The following MOCOS variants were observed in gnomAD, a reference collection of about 807,000 sequenced individuals.
MOCOS encodes the protein molybdenum cofactor sulfurase.
MOCOS carries 86 observed loss-of-function variants against 83.6 expected under a neutral mutation model. The ratio of observed to expected loss-of-function variants is 1.03; its 90% CI spans 0.86 to 1.23. MOCOS has a LOEUF of 1.23. MOCOS is among the 50% of genes most tolerant of loss of function. The pLI, the probability that MOCOS is intolerant of heterozygous loss-of-function variation, is 0.00. For missense variants in MOCOS, 1,120 were observed against 1,126.9 expected (o/e 0.99, Z 0.09); for synonymous variants, 445 against 434.7 (o/e 1.02, Z -0.29).
chr18:36,226,590 T>C (rs775936140), intron 9 of MOCOS, among the ~76,000 whole-genome samples: 5 of 152,136 alleles, frequency 3.3e-5, no homozygotes, highest in Non-Finnish European at 5.9e-5. Flanking sequence ...TGTTTTCTGT[T>C]AGTCTTATAG....
chr18:36,234,135 T>C (rs1180303904), intron 9 of MOCOS, among the ~76,000 whole-genome samples: 3 of 152,218 alleles, frequency 2.0e-5, no homozygotes, highest in Admixed American at 6.5e-5. Context: ...GTTTTTCCAA[T>C]GTTACCTTCT....
intron 13 of MOCOS, among the ~76,000 whole-genome samples, chr18:36,264,333 G>C (rs1045029224): frequency 6.6e-6 from 1 of 152,174 alleles, no homozygotes; most frequent in Non-Finnish European, 1.5e-5. Flanking sequence ...GCTGGGGCTG[G>C]TGCAAGCTGC....
chr18:36,257,261 GA>G (rs1258290932), intron 12 of MOCOS, among the ~76,000 whole-genome samples, 188 bp downstream of exon 12: 1 of 152,148 alleles, frequency 6.6e-6, no homozygotes, highest in East Asian at 1.9e-4. Flanking sequence ...CATCTTTATA[GA>G]GGGTTATCTT....
Position 36,251,193 on chromosome 18 carries a change from A to G in MOCOS, c.2074A>G (p.Ser692Gly). Residue 692 changes from serine to glycine, a missense_variant, in exon 11 of 15, where the codon AGC (serine) becomes GGC (glycine). Transcript: ENST00000261326. ...STYDCGEKIS[S>G]WLSTFFGRPC... ...TTATGATTGTGGAGAAAAAATTTCA[A>G]GCTGGTTGTCAACATTTTTTGGCCG... is the stretch of plus-strand genomic sequence containing the variant. 1 of 1,613,842 alleles carries G rather than the reference A, an allele frequency of 6.2e-7. No homozygotes were observed. Among genetic ancestry groups the G allele is most frequent in the Non-Finnish European group, 8.5e-7 (1 of 1,179,696 alleles).
At chr18:36,207,391 GGCTAA>G (rs1478550132) in intron 6 of MOCOS, among the ~76,000 whole-genome samples, 10 of 152,086 alleles carry the variant, frequency 6.6e-5, no homozygotes, top group Non-Finnish European at 1.3e-4. Flanking sequence ...TTTCCACAGT[GGCTAA>G]GCTAATTTAC....
chr18:36,271,020 T>C lies in MOCOS; in HGVS notation c.*2335T>C, dbSNP rs1335316918. 1 of 151,902 alleles carries C rather than the reference T, an allele frequency of 6.6e-6. No homozygotes were observed. Among genetic ancestry groups the C allele is most frequent in the Non-Finnish European group, 1.5e-5 (1 of 67,992 alleles). The allele number at this position is 151,902 out of a possible 1,614,324, so 9.4% of individuals were successfully genotyped here. A position where few individuals can be genotyped will look rare whatever the true frequency, so the allele number is the denominator to read the frequency against. On this transcript the variant is annotated 3_prime_UTR_variant, in exon 15 of 15. Transcript: ENST00000261326. ...TTTTTTCTTTTTGGTAGAGATGGCA[T>C]CTCACTTTGTTGCCCAGGCTAGTTT...
chr18:36,189,339 T>C (rs1326054040), intron 1 of MOCOS, among the ~76,000 whole-genome samples: 1 of 152,160 alleles, frequency 6.6e-6, no homozygotes, highest in East Asian at 1.9e-4. Flanking sequence ...TCCTTGTATT[T>C]CCTCTACATT....
chr18:36,233,445 C>A (rs540678499), intron 9 of MOCOS, among the ~76,000 whole-genome samples: 1 of 152,250 alleles, frequency 6.6e-6, no homozygotes, highest in Admixed American at 6.5e-5. Flanking sequence ...GGCTGATGAG[C>A]ATTTAGGCTG....
intron 11 of MOCOS, among the ~76,000 whole-genome samples, chr18:36,253,229 C>T (rs1377442309): frequency 2.6e-5 from 4 of 152,102 alleles, no homozygotes; most frequent in South Asian, 2.1e-4. Flanking sequence ...TTGGAGTCTC[C>T]GTTGGTGAGA....
intron 13 of MOCOS, among the ~76,000 whole-genome samples, chr18:36,266,477 T>G (rs552961555): frequency 6.6e-6 from 1 of 152,306 alleles, no homozygotes; most frequent in African/African-American, 2.4e-5. Context: ...TCCCAGTCAC[T>G]GAGTGCTTTC....
At chr18:36,198,609 C>A in intron 2 of MOCOS, 81 bp from the exon 3 acceptor site, 3 of 1,380,136 alleles carry the variant, frequency 2.2e-6, no homozygotes, top group Non-Finnish European at 3.1e-6. Flanking sequence ...TTTTGAGAAA[C>A]TGAGGGAGTG....
intron 1 of MOCOS, among the ~76,000 whole-genome samples, chr18:36,191,593 A>G (rs559019539): frequency 7.0e-4 from 107 of 152,266 alleles, no homozygotes; most frequent in African/African-American, 2.6e-3. Flanking sequence ...ACAGGTGTGC[A>G]CCACCATGCC....
At chr18:36,208,650 G>A (rs2091443100) in intron 6 of MOCOS, among the ~76,000 whole-genome samples, 1 of 152,202 alleles carries the variant, frequency 6.6e-6, no homozygotes, top group Non-Finnish European at 1.5e-5. Flanking sequence ...TTTGTATCCT[G>A]AAACTTTACT....
rs1404146249 is a variant in MOCOS, at chr18:36,220,479, G to T, written c.1960+262G>T. ...AATCGAGATCATGCCATTGCATTCC[G>T]GCCTGGGCGACAGAGCAAGACCTTG... On this transcript the variant is annotated intron_variant, in intron 9 of 14. Transcript: ENST00000261326. Among the ~76,000 whole-genome samples, 4 of 151,762 alleles carry T rather than the reference G, an allele frequency of 2.6e-5. No homozygotes were observed. The East Asian group carries it at 7.8e-4, about 29-fold the overall frequency.
rs760362074 is a variant in MOCOS at position 36,251,134 on chromosome 18, A to T, written c.2040-25A>T. ...TTAAATAAATACTATGTAACAGTTC[A>T]CTCTTTCTCTCTCTCTTTTGCCAGA... On this transcript the variant is annotated intron_variant, in intron 10 of 14. Transcript: ENST00000261326. 5.6e-6 allele frequency: 9 copies of T among 1,604,558 alleles called. No individual in the cohort carries two copies. The African/African-American group carries it at 1.2e-4, about 21-fold the overall frequency.
Position 36,262,250 on chromosome 18 carries a change from T to TACACACAC in MOCOS, c.2409+2094_2409+2101dup, listed in dbSNP as rs71168212. On this transcript the variant is annotated intron_variant, in intron 13 of 14. Transcript: ENST00000261326. ...AGCATAGCAAGACTTCGTCTCTCTC[T>TACACACAC]ACACACACACACACACACACACACA... Among the ~76,000 whole-genome samples, 442 of 127,902 alleles carry TACACACAC rather than the reference T, an allele frequency of 3.5e-3. 11 individuals are homozygous for TACACACAC. The highest frequency in any genetic ancestry group is 0.011 in the African/African-American group (361 of 33,272). 83.9% of individuals were successfully genotyped at this position (127,902 alleles called of 152,430 possible).
intron 9 of MOCOS, among the ~76,000 whole-genome samples, chr18:36,221,210 T>C (rs963016877): frequency 6.6e-6 from 1 of 152,208 alleles, no homozygotes; most frequent in Non-Finnish European, 1.5e-5. Context: ...AGTGGGACAC[T>C]AGAACTGAAT....
chr18:36,257,420 C>T (rs2091645719), intron 12 of MOCOS, among the ~76,000 whole-genome samples: 1 of 152,180 alleles, frequency 6.6e-6, no homozygotes, highest in South Asian at 2.1e-4. Flanking sequence ...CTCCCACTAT[C>T]CCCTGTCCCC....
In MOCOS at chr18:36,231,068, T is replaced by C. The variant is rs914285315; in HGVS notation, c.1960+10851T>C. ...TCAAAAATAAGAATGATGTTTATTGTAGGTTTTTGATTGATTTATTTTATC... is the reference window on the plus strand; with the variant it reads ...TCAAAAATAAGAATGATGTTTATTGCAGGTTTTTGATTGATTTATTTTATC... On this transcript the variant is annotated intron_variant, in intron 9 of 14. Transcript: ENST00000261326. Among the ~76,000 whole-genome samples, 4 of 152,234 alleles carry C rather than the reference T, an allele frequency of 2.6e-5. No individual in the cohort carries two copies. In the South Asian group the frequency reaches 8.3e-4, roughly 31 times the overall value.
Sources: gnomAD v4.1 joint callset for allele counts (sites outside exome capture counted in the v4.1 genomes callset) on GRCh38, gnomAD v4.1.1 for gene constraint, MANE v1.5 for transcripts, NCBI Gene and HGNC (gene_info 2026-07-23, HGNC 2026-07-21) for gene names.